EGFR: variants seen among roughly 807,000 people sequenced by gnomAD.
EGFR encodes avian erythroblastic leukemia viral (v-erb-b) oncogene homolog.
Under a neutral mutation model 143.0 loss-of-function variants are expected in EGFR, and 58 were observed. That is an observed-to-expected ratio of 0.41 (90% confidence interval 0.33 to 0.50). EGFR has a LOEUF of 0.50. EGFR is among the 20% of genes least tolerant of loss of function. The probability of loss-of-function intolerance (pLI) is 0.39; values close to 1 mark genes in which losing one functional copy is unlikely to be tolerated. For missense variants in EGFR, 1,307 were observed against 1,579.0 expected, an observed-to-expected ratio of 0.83 and a Z score of 2.92; for synonymous variants, 613 against 594.4, an observed-to-expected ratio of 1.03 and a Z score of -0.45.
chr7:55,153,931 A>C, intron 6 of EGFR, 80 bp from the exon 7 acceptor site: 1 of 1,604,372 alleles, frequency 6.2e-7, no homozygotes, highest in Non-Finnish European at 8.5e-7. Context: ...GACGGGAGTC[A>C]ACACCGTGCT....
chr7:55,172,782 G>A (rs1246540177), intron 16 of EGFR: 1 of 1,471,652 alleles, frequency 6.8e-7, no homozygotes, highest in Non-Finnish European at 9.2e-7. Flanking sequence ...GCCTGGTAGG[G>A]GACTGGGGAG....
At chr7:55,202,916 G>A in intron 27 of EGFR, 1 of 636,804 alleles carries the variant, frequency 1.6e-6, no homozygotes, top group South Asian at 1.8e-5. Flanking sequence ...GTGTGTGAGT[G>A]TTCATGATGT....
At chr7:55,125,389 A>G (rs1257288322) in intron 1 of EGFR, among the ~76,000 whole-genome samples, 3 of 150,200 alleles carry the variant, frequency 2.0e-5, no homozygotes. Context: ...ACAAGCTATT[A>G]TGGCTAACTC....
intron 1 of EGFR, among the ~76,000 whole-genome samples, chr7:55,140,472 C>T (rs934109269): frequency 2.0e-5 from 3 of 152,176 alleles, no homozygotes; most frequent in African/African-American, 7.2e-5. Context: ...GCTTTTATTC[C>T]AAGGTGTGCC....
chr7:55,121,407 T>C (rs1201834259), intron 1 of EGFR, among the ~76,000 whole-genome samples: 1 of 152,224 alleles, frequency 6.6e-6, no homozygotes, highest in Admixed American at 6.5e-5. Flanking sequence ...TGGCATTGTG[T>C]GTTACCCTTC....
intron 19 of EGFR, among the ~76,000 whole-genome samples, chr7:55,176,185 C>T (rs530171194): frequency 6.6e-6 from 1 of 152,240 alleles, no homozygotes; most frequent in East Asian, 1.9e-4. Context: ...ATTCATTCAA[C>T]ACATTCTAAT....
chr7:55,028,024 A>G (rs1364855426), intron 1 of EGFR, among the ~76,000 whole-genome samples: 1 of 115,180 alleles, frequency 8.7e-6, no homozygotes, highest in Non-Finnish European at 1.7e-5. Flanking sequence ...ATATATATAT[A>G]TACACACACA....
intron 6 of EGFR, among the ~76,000 whole-genome samples, chr7:55,153,575 C>T (rs1483028407): frequency 1.3e-5 from 2 of 152,202 alleles, no homozygotes; most frequent in Non-Finnish European, 2.9e-5. Flanking sequence ...TTGGGTCTGG[C>T]TCCTTTACAC....
Position 55,205,286 on chromosome 7 carries a change from C to T in EGFR, c.3302C>T (p.Pro1101Leu), listed in dbSNP as rs764332519. ...EYINQSVPKR[P>L]AGSVQNPVYH... is the part of the protein sequence containing the mutation. ...ATAAACCAGTCCGTTCCCAAAAGGC[C>T]CGCTGGCTCTGTGCAGAATCCTGTC... Residue 1101 changes from proline (P) to leucine (L), a missense_variant, in exon 28 of 28, where the codon CCC (proline) becomes CTC (leucine). By Grantham distance (98) the Pro-to-Leu change is moderately conservative. Coordinates refer to ENST00000275493, the MANE Select transcript of EGFR (RefSeq NM_005228.5). The T allele has an allele frequency of 4.3e-6, 7 of 1,612,800 alleles. No individual in the cohort carries two copies. Among genetic ancestry groups the T allele is most frequent in the African/African-American group, 4.0e-5 (3 of 74,882 alleles).
intron 1 of EGFR, among the ~76,000 whole-genome samples, chr7:55,093,235 G>T (rs542718591): frequency 7.7e-4 from 118 of 152,318 alleles, no homozygotes; most frequent in African/African-American, 2.7e-3. Flanking sequence ...GCACTTGTCA[G>T]TCATGTCCCA....
chr7:55,132,529 G>A (rs1793907216), intron 1 of EGFR, among the ~76,000 whole-genome samples: 1 of 152,188 alleles, frequency 6.6e-6, no homozygotes, highest in Admixed American at 6.5e-5. Flanking sequence ...TTTTACGTAT[G>A]GTGAAGTCAC....
intron 1 of EGFR, among the ~76,000 whole-genome samples, chr7:55,108,674 C>G (rs1406411393): frequency 6.6e-6 from 1 of 152,158 alleles, no homozygotes; most frequent in African/African-American, 2.4e-5. Flanking sequence ...GGGCCATCTT[C>G]AAATTCTCAA....
At chr7:55,025,282 G>A (rs993072137) in intron 1 of EGFR, among the ~76,000 whole-genome samples, 15 of 152,328 alleles carry the variant, frequency 9.8e-5, no homozygotes, top group Middle Eastern at 3.4e-3. Flanking sequence ...GCCAGAGACA[G>A]AGGATGAAGC....
intron 13 of EGFR, among the ~76,000 whole-genome samples, chr7:55,162,809 G>A (rs1396386165): frequency 6.6e-6 from 1 of 151,920 alleles, no homozygotes; most frequent in Admixed American, 6.6e-5. Context: ...GTTGTTTTTT[G>A]AGACAGAGTC....
At chr7:55,033,270 G>GA (rs749341621) in intron 1 of EGFR, among the ~76,000 whole-genome samples, 17 of 152,262 alleles carry the variant, frequency 1.1e-4, no homozygotes, top group South Asian at 4.1e-4. Flanking sequence ...CAAATGTACC[G>GA]AAAAAATCTT....
intron 1 of EGFR, among the ~76,000 whole-genome samples, chr7:55,130,524 AC>A (rs1216948613): frequency 6.6e-6 from 1 of 152,188 alleles, no homozygotes; most frequent in Non-Finnish European, 1.5e-5. Context: ...CGCCCCCGGG[AC>A]AAGGTCTGTC....
chr7:55,094,766 T>C (rs769117251), intron 1 of EGFR, among the ~76,000 whole-genome samples: 1 of 152,256 alleles, frequency 6.6e-6, no homozygotes, highest in African/African-American at 2.4e-5. Context: ...TACATCTTAA[T>C]TGATATGGGA....
At position 55,211,367 on chromosome 7, in the gene EGFR, A is replaced by G. The variant is rs1307601828; in HGVS notation, c.*5750A>G. The stretch of plus-strand genomic sequence containing the variant: ...GAGGTGACAATGTAACCGATTAACA[A>G]CAGACAGCAATAACTTCGTTTTAGA... On this transcript the variant is annotated 3_prime_UTR_variant, in exon 28 of 28. Coordinates refer to ENST00000275493, the MANE Select transcript of EGFR (RefSeq NM_005228.5). The G allele has an allele frequency of 2.0e-5, 3 of 152,264 alleles. No homozygotes were observed. Among genetic ancestry groups the G allele is most frequent in the Non-Finnish European group, 2.9e-5 (2 of 68,044 alleles). The allele number at this position is 152,264 out of a possible 1,614,324, so 9.4% of individuals were successfully genotyped here.
chr7:55,045,615 G>A (rs1006811502), intron 1 of EGFR, among the ~76,000 whole-genome samples: 1 of 152,176 alleles, frequency 6.6e-6, no homozygotes, highest in Admixed American at 6.5e-5. Flanking sequence ...ATTGAGTGGA[G>A]ACACCTCAAT....
Sources: allele counts gnomAD v4.1 joint callset (sites outside exome capture counted in the v4.1 genomes callset), GRCh38; gene constraint gnomAD v4.1.1; transcripts MANE v1.5; gene names NCBI Gene and HGNC (gene_info 2026-07-23, HGNC 2026-07-21).